Variants in INTU observed in about 807,000 individuals in gnomAD.
INTU encodes protein inturned.
INTU carries 68 observed loss-of-function variants against 100.5 expected under a neutral mutation model. The ratio of observed to expected loss-of-function variants is 0.68; its 90% CI spans 0.56 to 0.83. INTU has a LOEUF of 0.83. Ranked by LOEUF, INTU falls within the 40% of genes least tolerant of loss-of-function variation. INTU has a pLI of 0.00. For synonymous variants in INTU, 357 were observed against 395.7 expected (o/e 0.90, Z 1.16); for missense variants, 1,071 against 1,114.7 (o/e 0.96, Z 0.56).
Position 127,726,528 on chromosome 4 carries a change from G to A in INTU, c.*10092G>A, listed in dbSNP as rs1731418301. On this transcript the variant is annotated 3_prime_UTR_variant, in exon 16 of 16. Transcript: ENST00000335251. Reference sequence around the variant, plus strand: ...CTGTACAAAATGTAGGGGAAAAGCTGAGAAAAATCATTTATCAATAAACAG... The same window carrying A: ...CTGTACAAAATGTAGGGGAAAAGCTAAGAAAAATCATTTATCAATAAACAG... 6.6e-6 allele frequency: 1 copy of A among 152,142 alleles called. No homozygotes were observed. Among genetic ancestry groups the A allele is most frequent in the South Asian group, 2.1e-4 (1 of 4,828 alleles). 9.4% of individuals were successfully genotyped at this position (152,142 alleles called of 1,614,324 possible). A position where few individuals can be genotyped will look rare whatever the true frequency, so the allele number is the denominator to read the frequency against.
chr4:127,652,701 G>A (rs1163671570), intron 2 of INTU, among the ~76,000 whole-genome samples: 1 of 118,822 alleles, frequency 8.4e-6, no homozygotes, highest in Admixed American at 9.5e-5. Context: ...TTGTGTCTCT[G>A]CCCGGCTTTG....
rs1181968065 is a variant in INTU at position 127,643,521 on chromosome 4, T to C, written c.147T>C (p.Asp49=). ...AGATTATCTTTTCTCTCTTTCATAGTGATCTTGAGCCTGAATGGCTGGACA... is the reference window on the plus strand; with the variant it reads ...AGATTATCTTTTCTCTCTTTCATAGCGATCTTGAGCCTGAATGGCTGGACA... ...GSYSSASSDY[D]DLEPEWLDSV... is the part of the protein sequence containing the mutation. The change falls in exon 2 of 16, where the codon GAT becomes GAC. Residue 49 remains aspartate, a splice_region_variant and synonymous_variant. Coordinates refer to ENST00000335251, the MANE Select transcript of INTU (RefSeq NM_015693.4). 6.3e-7 allele frequency: 1 copy of C among 1,579,542 alleles called. No individual in the cohort carries two copies. Among genetic ancestry groups the C allele is most frequent in the African/African-American group, 1.4e-5 (1 of 72,700 alleles).
At chr4:127,679,734 G>A (rs1412143368) in intron 6 of INTU, among the ~76,000 whole-genome samples, 2 of 151,444 alleles carry the variant, frequency 1.3e-5, no homozygotes, top group African/African-American at 4.9e-5. Context: ...GCTAGCAGAA[G>A]GCAAGAAATA....
At chr4:127,652,065 A>T (rs1727911378) in intron 2 of INTU, among the ~76,000 whole-genome samples, 1 of 140,818 alleles carries the variant, frequency 7.1e-6, no homozygotes, top group African/African-American at 2.7e-5. Context: ...TTGTACATTG[A>T]TTTTGTATCC....
intron 4 of INTU, among the ~76,000 whole-genome samples, chr4:127,665,124 C>G (rs2126201804): frequency 6.6e-6 from 1 of 151,234 alleles, no homozygotes; most frequent in African/African-American, 2.4e-5. Context: ...CTATTGTCAT[C>G]AATATTTTAG....
intron 8 of INTU, among the ~76,000 whole-genome samples, chr4:127,694,464 T>A (rs552655625): frequency 5.3e-5 from 8 of 152,262 alleles, no homozygotes; most frequent in Non-Finnish European, 1.2e-4. Context: ...CTCTCTTTTC[T>A]TGGTTAATCT....
Position 127,718,177 on chromosome 4 carries a change from G to A in INTU, c.*1741G>A, listed in dbSNP as rs1731296257. The A allele has an allele frequency of 6.6e-6, 1 of 152,064 alleles. No homozygotes were observed. Among genetic ancestry groups the A allele is most frequent in the Non-Finnish European group, 1.5e-5 (1 of 67,984 alleles). 9.4% of individuals were successfully genotyped at this position (152,064 alleles called of 1,614,324 possible). On this transcript the variant is annotated 3_prime_UTR_variant, in exon 16 of 16. Coordinates refer to ENST00000335251, the MANE Select transcript of INTU (RefSeq NM_015693.4). ...TTTTTGTATAAGGTATGAGGAATGG[G>A]TCCAGTTTCTATTTTCTGCATATGG...
chr4:127,691,640 GTTACA>G (rs1470958940), intron 8 of INTU, among the ~76,000 whole-genome samples: 1 of 151,792 alleles, frequency 6.6e-6, no homozygotes, highest in East Asian at 1.9e-4. Context: ...GTGGTGTTTG[GTTACA>G]TGAATAAGTC....
intron 6 of INTU, among the ~76,000 whole-genome samples, chr4:127,682,530 GT>G (rs1729622081): frequency 6.9e-6 from 1 of 145,926 alleles, no homozygotes. Flanking sequence ...TCACTCATAG[GT>G]GGGAATTGAA....
At position 127,713,921 on chromosome 4, in the gene INTU, C is replaced by A. The variant is rs763576550; in HGVS notation, c.2560-15C>A. The A allele has an allele frequency of 1.2e-5, 18 of 1,559,440 alleles. No individual in the cohort carries two copies. The highest frequency in any genetic ancestry group is 1.6e-5 in the Non-Finnish European group (18 of 1,138,818). On this transcript the variant is annotated splice_polypyrimidine_tract_variant and intron_variant, in intron 14 of 15. Transcript: ENST00000335251. ...GTAATACCAGTTAATACTAACAATA[C>A]CTATTAATTTACAGAAAAAGAAAGG...
At chr4:127,696,619 A>G (rs1730401359) in intron 8 of INTU, among the ~76,000 whole-genome samples, 1 of 150,896 alleles carries the variant, frequency 6.6e-6, no homozygotes, top group Non-Finnish European at 1.5e-5. Flanking sequence ...GATTTTTTTC[A>G]AGGAAACAGC....
At chr4:127,692,086 A>G (rs1033269124) in intron 8 of INTU, among the ~76,000 whole-genome samples, 2 of 151,580 alleles carry the variant, frequency 1.3e-5, no homozygotes, top group East Asian at 3.9e-4. Context: ...TCTTATTTGT[A>G]TAATGACTTC....
At chr4:127,676,585 C>CAA (rs759247806) in intron 6 of INTU, among the ~76,000 whole-genome samples, 15 of 76,760 alleles carry the variant, frequency 2.0e-4, no homozygotes, top group African/African-American at 3.6e-4. Flanking sequence ...GACAATGTCT[C>CAA]AAAAAAAAAA....
chr4:127,655,101 G>A (rs1009617672), intron 2 of INTU, among the ~76,000 whole-genome samples: 4 of 152,010 alleles, frequency 2.6e-5, no homozygotes, highest in African/African-American at 2.4e-5. Context: ...TCTCTATACT[G>A]GTTATTCTAG....
Position 127,706,784 on chromosome 4 carries a change from CT to C in INTU, c.2091del (p.Phe697LeufsTer6). The C allele has an allele frequency of 6.2e-7, 1 of 1,614,096 alleles. No homozygotes were observed. Among genetic ancestry groups the C allele is most frequent in the South Asian group, 1.1e-5 (1 of 91,086 alleles). ...VATSPTCRRT[L>X]FGDYSLKTRK... The stretch of plus-strand genomic sequence containing the variant: ...AACTTCTCCAACATGCAGAAGAACG[CT>C]TTTTGGTGACTATTCCTTAAAGACA... On this transcript the variant is annotated frameshift_variant, in exon 12 of 16. Transcript: ENST00000335251. LOFTEE classifies it high-confidence loss of function.
At chr4:127,682,145 C>T (rs912519729) in intron 6 of INTU, among the ~76,000 whole-genome samples, 1 of 152,030 alleles carries the variant, frequency 6.6e-6, no homozygotes, top group Non-Finnish European at 1.5e-5. Context: ...AACACTTTTA[C>T]ACTGTTGGTG....
intron 2 of INTU, among the ~76,000 whole-genome samples, chr4:127,655,127 A>C (rs939809372): frequency 2.6e-5 from 4 of 151,892 alleles, no homozygotes; most frequent in African/African-American, 9.7e-5. Flanking sequence ...CATTCATCTA[A>C]ATTTTTTTCA....
At chr4:127,711,307 T>C (rs769159439) in intron 14 of INTU, among the ~76,000 whole-genome samples, 6 of 152,220 alleles carry the variant, frequency 3.9e-5, no homozygotes, top group African/African-American at 7.2e-5. Flanking sequence ...CTTGGGTTAC[T>C]TTTCAGGATA....
intron 3 of INTU, among the ~76,000 whole-genome samples, chr4:127,660,001 C>T (rs1166681078): frequency 6.6e-6 from 1 of 152,018 alleles, no homozygotes; most frequent in Non-Finnish European, 1.5e-5. Flanking sequence ...CCAGAAGTAA[C>T]CATTTATATC....
Sources: allele counts gnomAD v4.1 joint callset (sites outside exome capture counted in the v4.1 genomes callset), GRCh38; gene constraint gnomAD v4.1.1; transcripts MANE v1.5; gene names NCBI Gene and HGNC (gene_info 2026-07-23, HGNC 2026-07-21).